The following AK7 variants were observed in gnomAD, a reference collection of about 807,000 sequenced individuals.
The protein encoded by AK7 is ATP-AMP transphosphorylase 7.
Under a neutral mutation model 96.6 loss-of-function variants are expected in AK7, and 78 were observed. The observed-to-expected ratio is 0.81, with a 90% CI of 0.67 to 0.97. The LOEUF (loss-of-function observed/expected upper bound fraction) is 0.97, where lower values mean the gene tolerates loss of function less well. Ranked by LOEUF, AK7 falls within the 50% of genes least tolerant of loss-of-function variation. The pLI, the probability that AK7 is intolerant of heterozygous loss-of-function variation, is 0.00. For synonymous variants in AK7, 302 were observed against 317.2 expected (o/e 0.95, Z 0.51); for missense variants, 855 against 887.9 (o/e 0.96, Z 0.47).
chr14:96,436,721 C>G (rs985128796), intron 5 of AK7, among the ~76,000 whole-genome samples: 4 of 152,108 alleles, frequency 2.6e-5, no homozygotes, highest in Admixed American at 2.0e-4. Context: ...GAAGTTCAAG[C>G]GAGTTTTCTG....
intron 1 of AK7, among the ~76,000 whole-genome samples, chr14:96,397,165 TA>T (rs1285242214): frequency 1.3e-5 from 2 of 152,182 alleles, no homozygotes; most frequent in African/African-American, 4.8e-5. Context: ...GAATTTCAAA[TA>T]AAAATAAAAT....
chr14:96,478,491 G>A lies in AK7; in HGVS notation c.1582G>A (p.Asp528Asn), dbSNP rs763271683. Residue 528 changes from aspartate to asparagine, a missense_variant, in exon 15 of 18, where the codon GAT (aspartate) becomes AAT (asparagine). Asp to Asn is a conservative substitution (Grantham distance 23, BLOSUM62 1). Transcript: ENST00000267584. ...ATTCGTTTGTGCACTGGATGCTTCG[G>A]ATGAGTTTCTGAAGGAGCGTGTGAT... ...PEFVCALDAS[D>N]EFLKERVINL... 1.2e-6 allele frequency: 2 copies of A among 1,614,154 alleles called. No individual in the cohort carries two copies. Among genetic ancestry groups the A allele is most frequent in the South Asian group, 2.2e-5 (2 of 91,084 alleles).
chr14:96,396,531 C>G (rs77356548), intron 1 of AK7, among the ~76,000 whole-genome samples: 9,282 of 152,216 alleles, frequency 0.061, 380 homozygotes, highest in African/African-American at 0.11. Flanking sequence ...AAATATTCCA[C>G]TAGGAGGTTG....
rs758912228 is a variant in AK7 at position 96,456,304 on chromosome 14, C to CTTGCTGTATACAGAGCTGT, written c.1099-43_1099-42insTTGCTGTATACAGAGCTGT. On this transcript the variant is annotated intron_variant, in intron 10 of 17. Coordinates refer to ENST00000267584, the MANE Select transcript of AK7 (RefSeq NM_152327.5). ...AAAACCACTCTGTCTAGCTACAGATCATTCAGAGCTTGCTGTATGTTCCTT... is the reference window on the plus strand; with the variant it reads ...AAAACCACTCTGTCTAGCTACAGATCTTGCTGTATACAGAGCTGTATTCAGAGCTTGCTGTATGTTCCTT... The CTTGCTGTATACAGAGCTGT allele has an allele frequency of 2.9e-6, 4 of 1,371,394 alleles. No individual in the cohort carries two copies. In the South Asian group the frequency reaches 4.7e-5, roughly 16 times the overall value. The allele number at this position is 1,371,394 out of a possible 1,614,324, so 85.0% of individuals were successfully genotyped here.
intron 10 of AK7, among the ~76,000 whole-genome samples, chr14:96,454,416 C>G (rs1249857907): frequency 6.6e-6 from 1 of 151,222 alleles, no homozygotes; most frequent in East Asian, 1.9e-4. Context: ...AGCATTCAAT[C>G]AAGTTTATCA....
Position 96,415,748 on chromosome 14 carries a change from T to TAATCAATTTAATACATTAATTAATTA in AK7, c.499-5071_499-5070insCAATTTAATACATTAATTAATTAAAT, listed in dbSNP as rs1891296556. On this transcript the variant is annotated intron_variant, in intron 4 of 17. Transcript: ENST00000267584. ...ATAAATTTTAATACATTAATTAAAT[T>TAATCAATTTAATACATTAATTAATTA]AATTAATTTAATACATTAATTAATT... is the stretch of plus-strand genomic sequence containing the variant. Among the ~76,000 whole-genome samples, 27 of 133,964 alleles carry TAATCAATTTAATACATTAATTAATTA rather than the reference T, an allele frequency of 2.0e-4. 1 individual carries two copies. The highest frequency in any genetic ancestry group is 7.0e-4 in the African/African-American group (26 of 36,946). The allele number at this position is 133,964 out of a possible 152,430, so 87.9% of individuals were successfully genotyped here. A position where few individuals can be genotyped will look rare whatever the true frequency, so the allele number is the denominator to read the frequency against.
chr14:96,421,024 G>A (rs1891659126), intron 5 of AK7, 92 bp downstream of exon 5: 3 of 863,842 alleles, frequency 3.5e-6, no homozygotes, highest in Non-Finnish European at 5.5e-6. Flanking sequence ...GGATGTCTGA[G>A]CTTTAGGCTC....
chr14:96,482,830 T>C (rs1170758966), intron 15 of AK7, among the ~76,000 whole-genome samples, 169 bp from the exon 16 acceptor site: 1 of 152,208 alleles, frequency 6.6e-6, no homozygotes, highest in African/African-American at 2.4e-5. Context: ...TGGTCTGATA[T>C]TTGCCCGTGA....
At position 96,488,514 on chromosome 14, in the gene AK7, T is replaced by TA; in HGVS notation, c.*171_*172insA. On this transcript the variant is annotated 3_prime_UTR_variant, in exon 18 of 18. Transcript: ENST00000267584. Reference sequence around the variant, plus strand: ...AAAGCTATATGACATGACTATGTCATTAAAACTATATTTGAAATGTAAATT... The same window carrying TA: ...AAAGCTATATGACATGACTATGTCATATAAAACTATATTTGAAATGTAAATT... 1 of 524,598 alleles carries TA rather than the reference T, an allele frequency of 1.9e-6. No homozygotes were observed. Among genetic ancestry groups the TA allele is most frequent in the Non-Finnish European group, 3.4e-6 (1 of 294,800 alleles). The allele number at this position is 524,598 out of a possible 1,614,324, so 32.5% of individuals were successfully genotyped here. A position where few individuals can be genotyped will look rare whatever the true frequency, so the allele number is the denominator to read the frequency against.
chr14:96,459,298 A>G (rs916065873), intron 12 of AK7, among the ~76,000 whole-genome samples: 1 of 151,918 alleles, frequency 6.6e-6, no homozygotes, highest in South Asian at 2.1e-4. Flanking sequence ...AGATCGTGCC[A>G]CTGCACTCCA....
In AK7 at chr14:96,487,154, C is replaced by A. The variant is rs2140187542; in HGVS notation, c.2133+98C>A. The A allele has an allele frequency of 3.1e-6, 4 of 1,280,540 alleles. No homozygotes were observed. The South Asian group carries it at 5.1e-5, about 16-fold the overall frequency. 79.3% of individuals were successfully genotyped at this position (1,280,540 alleles called of 1,614,324 possible). A position where few individuals can be genotyped will look rare whatever the true frequency, so the allele number is the denominator to read the frequency against. Reference sequence around the variant, plus strand: ...CTTTGGGAGGCCAAGGTCAGGGGATCACTTGTGGTCAGGAGTTAGAGACCA... The same window carrying A: ...CTTTGGGAGGCCAAGGTCAGGGGATAACTTGTGGTCAGGAGTTAGAGACCA... On this transcript the variant is annotated intron_variant, in intron 17 of 17. Coordinates refer to ENST00000267584, the MANE Select transcript of AK7 (RefSeq NM_152327.5).
In AK7 at chr14:96,456,406, A is replaced by G. The variant is rs775572133; in HGVS notation, c.1158A>G (p.Glu386=). The G allele has an allele frequency of 8.1e-6, 13 of 1,613,850 alleles. No individual in the cohort carries two copies. The highest frequency in any genetic ancestry group is 1.0e-5 in the Non-Finnish European group (12 of 1,179,760). Residue 386 remains glutamate, a synonymous_variant, in exon 11 of 18, where the codon GAA becomes GAG. Coordinates refer to ENST00000267584, the MANE Select transcript of AK7 (RefSeq NM_152327.5). The stretch of plus-strand genomic sequence containing the variant: ...TGGGAAAATCCAGTATTGCTAAAGA[A>G]TTGGCCAACTACTACAAACTGCATC... ...PAVGKSSIAK[E]LANYYKLHHI...
intron 2 of AK7, among the ~76,000 whole-genome samples, chr14:96,403,151 T>TAAATAAAC: frequency 6.8e-6 from 1 of 147,126 alleles, no homozygotes; most frequent in South Asian, 2.1e-4. Flanking sequence ...AATAAATAAA[T>TAAATAAAC]AAATGGAGGT....
chr14:96,454,009 G>A (rs995926967), intron 10 of AK7, among the ~76,000 whole-genome samples: 12 of 152,002 alleles, frequency 7.9e-5, no homozygotes, highest in African/African-American at 7.2e-5. Context: ...TGACGGGGCC[G>A]CACTCCTCAC....
chr14:96,438,361 A>G (rs1233772562), intron 6 of AK7, among the ~76,000 whole-genome samples: 1 of 152,116 alleles, frequency 6.6e-6, no homozygotes, highest in African/African-American at 2.4e-5. Flanking sequence ...CTGGGGAGTA[A>G]GGTTGCGGGG....
intron 5 of AK7, among the ~76,000 whole-genome samples, chr14:96,428,886 A>G (rs1892184811): frequency 6.6e-6 from 1 of 151,498 alleles, no homozygotes; most frequent in Non-Finnish European, 1.5e-5. Context: ...TGGGTAGATT[A>G]CAAAAATTTT....
chr14:96,449,915 CT>C, intron 9 of AK7, 36 bp downstream of exon 9: 1 of 1,352,112 alleles, frequency 7.4e-7, no homozygotes, highest in Non-Finnish European at 1.0e-6. Context: ...TTTTAACTAT[CT>C]TTCTCAATAA....
At chr14:96,480,543 G>A (rs1895452501) in intron 15 of AK7, among the ~76,000 whole-genome samples, 2 of 152,138 alleles carry the variant, frequency 1.3e-5, no homozygotes, top group African/African-American at 4.8e-5. Context: ...CTGCATGTTG[G>A]ACATGCTTTA....
At chr14:96,456,256 A>G in intron 10 of AK7, 91 bp from the exon 11 acceptor site, 1 of 1,160,692 alleles carries the variant, frequency 8.6e-7, no homozygotes, top group Non-Finnish European at 1.2e-6. Flanking sequence ...AAAAAAAAAA[A>G]AAAAAGCACT....
Sources: allele counts gnomAD v4.1 joint callset (sites outside exome capture counted in the v4.1 genomes callset), GRCh38; gene constraint gnomAD v4.1.1; transcripts MANE v1.5; gene names NCBI Gene and HGNC (gene_info 2026-07-23, HGNC 2026-07-21).